PTPRK: variants seen among roughly 807,000 people sequenced by gnomAD.
The protein encoded by PTPRK is protein tyrosine phosphatase receptor type K.
Under a neutral mutation model 178.0 loss-of-function variants are expected in PTPRK, and 75 were observed. That is an observed-to-expected ratio of 0.42 (90% CI 0.35 to 0.51). The LOEUF is 0.51. PTPRK is among the 20% of genes least tolerant of loss of function. The pLI is 0.02. For missense variants in PTPRK, 1,441 were observed against 1,797.8 expected, an observed-to-expected ratio of 0.80 and a Z score of 3.59; for synonymous variants, 637 against 620.6, an observed-to-expected ratio of 1.03 and a Z score of -0.39.
At chr6:128,135,702 G>A (rs947413003) in intron 7 of PTPRK, among the ~76,000 whole-genome samples, 3 of 152,070 alleles carry the variant, frequency 2.0e-5, no homozygotes, top group Non-Finnish European at 4.4e-5. Context: ...TCAAAATGCT[G>A]CTAATTCCAT....
intron 13 of PTPRK, among the ~76,000 whole-genome samples, chr6:128,042,839 G>A (rs890247655): frequency 6.6e-6 from 1 of 151,862 alleles, no homozygotes; most frequent in Admixed American, 6.6e-5. Context: ...ATGTTAACTG[G>A]CTCAGTTTTG....
intron 7 of PTPRK, among the ~76,000 whole-genome samples, chr6:128,090,608 A>G (rs1281650130): frequency 6.6e-6 from 1 of 152,226 alleles, no homozygotes; most frequent in African/African-American, 2.4e-5. Flanking sequence ...TCTAGAAAAC[A>G]TTCAGGTCTA....
intron 21 of PTPRK, among the ~76,000 whole-genome samples, chr6:127,990,258 C>T (rs1251364759): frequency 6.6e-6 from 1 of 152,106 alleles, no homozygotes; most frequent in Non-Finnish European, 1.5e-5. Context: ...TGGTGACTGT[C>T]TGGCATTCTA....
At chr6:128,459,646 C>A (rs1363858454) in intron 1 of PTPRK, among the ~76,000 whole-genome samples, 1 of 152,132 alleles carries the variant, frequency 6.6e-6, no homozygotes, top group Non-Finnish European at 1.5e-5. Flanking sequence ...AAGTAAGAAA[C>A]CTTCATGGGC....
intron 2 of PTPRK, among the ~76,000 whole-genome samples, chr6:128,394,375 G>A (rs1041751604): frequency 6.6e-6 from 1 of 152,118 alleles, no homozygotes; most frequent in African/African-American, 2.4e-5. Flanking sequence ...CAGTCCTGCT[G>A]GGCTTATACC....
intron 3 of PTPRK, among the ~76,000 whole-genome samples, chr6:128,306,035 G>C (rs1021968077): frequency 7.2e-5 from 11 of 152,164 alleles, no homozygotes; most frequent in African/African-American, 2.4e-4. Context: ...AAAACCATCA[G>C]ATCTCCTGAG....
At position 128,305,715 on chromosome 6, in the gene PTPRK, T is replaced by G. The variant is rs192180028; in HGVS notation, c.495+16324A>C. 1.1e-4 allele frequency among the ~76,000 whole-genome samples: 16 copies of G among 152,304 alleles called. 1 individual carries two copies. In the East Asian group the frequency reaches 2.9e-3, roughly 28 times the overall value. The stretch of plus-strand genomic sequence containing the variant: ...TGTTTCATTTTTGCCATAATAAAAT[T>G]AATAGCATCCTTTAAACTTTAACTA... On this transcript the variant is annotated intron_variant, in intron 3 of 29. Transcript: ENST00000368226.
At chr6:128,452,782 T>G (rs1345589134) in intron 1 of PTPRK, among the ~76,000 whole-genome samples, 1 of 152,198 alleles carries the variant, frequency 6.6e-6, no homozygotes, top group African/African-American at 2.4e-5. Flanking sequence ...ATAAAACTTG[T>G]GTTGTTATTG....
chr6:128,086,605 T>C (rs992959251), intron 8 of PTPRK, among the ~76,000 whole-genome samples: 18 of 152,164 alleles, frequency 1.2e-4, no homozygotes, highest in African/African-American at 4.3e-4. Flanking sequence ...AATAATTTAG[T>C]AACACTGACT....
chr6:128,444,429 T>G (rs1270478740), intron 1 of PTPRK, among the ~76,000 whole-genome samples: 1 of 152,154 alleles, frequency 6.6e-6, no homozygotes, highest in Non-Finnish European at 1.5e-5. Context: ...TAATTTTCCA[T>G]TCACTGACTC....
intron 1 of PTPRK, among the ~76,000 whole-genome samples, chr6:128,452,558 G>A (rs1847923875): frequency 6.6e-6 from 1 of 152,060 alleles, no homozygotes; most frequent in African/African-American, 2.4e-5. Context: ...GGCAAACCAT[G>A]CAAGACACAG....
chr6:128,253,344 A>C (rs1277811410), intron 3 of PTPRK, among the ~76,000 whole-genome samples: 1 of 152,236 alleles, frequency 6.6e-6, no homozygotes, highest in Non-Finnish European at 1.5e-5. Context: ...ATAAGCAAGC[A>C]ACCTACACCA....
intron 4 of PTPRK, 32 bp downstream of exon 4, chr6:128,242,489 A>G: frequency 6.2e-7 from 1 of 1,603,716 alleles, no homozygotes; most frequent in South Asian, 1.1e-5. Flanking sequence ...TGGAAAGGAC[A>G]TAGAAAAATA....
chr6:128,256,635 A>G (rs1005774135), intron 3 of PTPRK, among the ~76,000 whole-genome samples: 1 of 151,668 alleles, frequency 6.6e-6, no homozygotes, highest in Non-Finnish European at 1.5e-5. Context: ...ACGGGGTTTC[A>G]CCGTGTTGGT....
chr6:128,225,618 A>G (rs1442108514), intron 5 of PTPRK, among the ~76,000 whole-genome samples: 1 of 152,246 alleles, frequency 6.6e-6, no homozygotes, highest in Non-Finnish European at 1.5e-5. Flanking sequence ...ATCATTTTAA[A>G]GACAATTTTA....
intron 5 of PTPRK, among the ~76,000 whole-genome samples, chr6:128,233,161 C>A (rs1217919550): frequency 6.6e-6 from 1 of 152,144 alleles, no homozygotes; most frequent in Non-Finnish European, 1.5e-5. Flanking sequence ...TCTGGGCTTG[C>A]CAAATGGCAA....
chr6:128,223,447 A>G (rs1032208753), intron 5 of PTPRK, among the ~76,000 whole-genome samples: 3 of 152,090 alleles, frequency 2.0e-5, no homozygotes, highest in Admixed American at 2.0e-4. Flanking sequence ...GGGTATACTT[A>G]AACTCATCCA....
chr6:128,519,753 G>A lies in PTPRK; in HGVS notation c.100+506C>T, dbSNP rs562758058. On this transcript the variant is annotated intron_variant, in intron 1 of 29. Transcript: ENST00000368226. This position sits in a 1 kb window ranked among gnomAD's most constrained non-coding sequence, Gnocchi z 4.3. ...AGAAAAGGGGACTCCGGGAGGGACG[G>A]GGAAGTAGTTAGACAATAGTCAGGG... 6.6e-6 allele frequency among the ~76,000 whole-genome samples: 1 copy of A among 152,334 alleles called. No individual in the cohort carries two copies. The highest frequency in any genetic ancestry group is 2.1e-4 in the South Asian group (1 of 4,824).
intron 7 of PTPRK, among the ~76,000 whole-genome samples, chr6:128,143,507 T>C (rs1167351684): frequency 6.6e-6 from 1 of 152,158 alleles, no homozygotes. Context: ...TTTTAGAATA[T>C]TACCACAATG....
Sources: allele counts gnomAD v4.1 joint callset (sites outside exome capture counted in the v4.1 genomes callset), GRCh38; gene constraint gnomAD v4.1.1; non-coding constraint Gnocchi (gnomAD v3.1); transcripts MANE v1.5; gene names NCBI Gene and HGNC (gene_info 2026-07-23, HGNC 2026-07-21).